ZC3H13: variants seen among roughly 807,000 people sequenced by gnomAD.
The protein encoded by ZC3H13 is zinc finger CCCH-type containing 13.
In ZC3H13, 64 loss-of-function variants were observed where a neutral mutation model predicts 204.1. The ratio of observed to expected loss-of-function variants is 0.31; its 90% CI spans 0.26 to 0.39. The LOEUF (loss-of-function observed/expected upper bound fraction) is 0.39, where lower values mean the gene tolerates loss of function less well. Among genes scored for constraint, ZC3H13 ranks in the 10% least tolerant of loss-of-function variants. ZC3H13 has a pLI of 1.00. For missense variants in ZC3H13, 1,833 were observed against 2,082.7 expected (o/e 0.88, Z 2.33); for synonymous variants, 667 against 693.7 (o/e 0.96, Z 0.60).
At chr13:46,031,102 A>G (rs545200481) in intron 4 of ZC3H13, among the ~76,000 whole-genome samples, 1 of 152,342 alleles carries the variant, frequency 6.6e-6, no homozygotes, top group South Asian at 2.1e-4. Context: ...GAAAATAATA[A>G]GAGCCCAGAA....
At chr13:46,017,377 T>C (rs973134883) in intron 5 of ZC3H13, among the ~76,000 whole-genome samples, 9 of 152,122 alleles carry the variant, frequency 5.9e-5, no homozygotes, top group African/African-American at 2.2e-4. Flanking sequence ...TCCCAGAATA[T>C]GTGATGTGGT....
chr13:45,981,994 T>G (rs952309033), intron 10 of ZC3H13, among the ~76,000 whole-genome samples: 8 of 150,960 alleles, frequency 5.3e-5, no homozygotes, highest in African/African-American at 1.7e-4. Context: ...ATTGTGCACA[T>G]GTACCCTAAA....
At chr13:46,046,927 T>C (rs1252279068) in intron 1 of ZC3H13, among the ~76,000 whole-genome samples, 1 of 152,138 alleles carries the variant, frequency 6.6e-6, no homozygotes, top group Non-Finnish European at 1.5e-5. Flanking sequence ...CACCATACTA[T>C]ATCCCGCTTT....
intron 6 of ZC3H13, among the ~76,000 whole-genome samples, chr13:46,011,048 AG>A (rs1480912825): frequency 6.6e-6 from 1 of 152,210 alleles, no homozygotes; most frequent in Admixed American, 6.5e-5. Flanking sequence ...AAATCTCCTC[AG>A]AAAAATCATA....
chr13:46,004,213 A>G (rs2138534694), intron 7 of ZC3H13, among the ~76,000 whole-genome samples: 1 of 152,210 alleles, frequency 6.6e-6, no homozygotes, highest in East Asian at 1.9e-4. Context: ...ATTTTCAAAT[A>G]TTGAACATAG....
rs147244433 is a variant in ZC3H13 at position 45,987,062 on chromosome 13, G to C, written c.1256-1301C>G. ...CAATACCAACTGTGCCTGAAAATGTGTTCACTTAGTGCCAGATCTTTTTCT... is the reference window on the plus strand; with the variant it reads ...CAATACCAACTGTGCCTGAAAATGTCTTCACTTAGTGCCAGATCTTTTTCT... On this transcript the variant is annotated intron_variant, in intron 9 of 18. Coordinates refer to ENST00000679008, the MANE Select transcript of ZC3H13 (RefSeq NM_001330564.2). 3.4e-3 allele frequency among the ~76,000 whole-genome samples: 512 copies of C among 152,248 alleles called. 1 individual carries two copies. Among genetic ancestry groups the C allele is most frequent in the Non-Finnish European group, 4.5e-3 (307 of 68,012 alleles).
rs971162271 is a variant in ZC3H13 at position 46,052,601 on chromosome 13, A to G, written c.-207T>C. ...CCGGGATGGCTGAGAAGCAGAACCA[A>G]CCCGCCCGCCGCCTCTCCAGGGTCA... On this transcript the variant is annotated 5_prime_UTR_variant, in exon 1 of 19. Coordinates refer to ENST00000679008, the MANE Select transcript of ZC3H13 (RefSeq NM_001330564.2). The G allele has an allele frequency of 1.0e-5, 4 of 398,366 alleles. No individual in the cohort carries two copies. Among genetic ancestry groups the G allele is most frequent in the African/African-American group, 8.2e-5 (4 of 48,562 alleles). 24.7% of individuals were successfully genotyped at this position (398,366 alleles called of 1,614,324 possible).
At chr13:45,992,547 GTTATT>G (rs1482675537) in intron 8 of ZC3H13, among the ~76,000 whole-genome samples, 1 of 152,100 alleles carries the variant, frequency 6.6e-6, no homozygotes, top group Non-Finnish European at 1.5e-5. Flanking sequence ...ACTTGTGGGA[GTTATT>G]TATATCCTAC....
At chr13:46,051,687 C>A (rs1052517787) in intron 1 of ZC3H13, among the ~76,000 whole-genome samples, 1 of 152,122 alleles carries the variant, frequency 6.6e-6, no homozygotes, top group Non-Finnish European at 1.5e-5. Context: ...TCTTAAGAGA[C>A]TTCATACTCC....
At chr13:46,016,237 T>C (rs1443670526) in intron 5 of ZC3H13, among the ~76,000 whole-genome samples, 1 of 152,066 alleles carries the variant, frequency 6.6e-6, no homozygotes, top group Non-Finnish European at 1.5e-5. Context: ...CAAGAGAAAT[T>C]GATATGTGTC....
intron 4 of ZC3H13, among the ~76,000 whole-genome samples, chr13:46,037,254 A>T (rs745788680): frequency 5.3e-5 from 8 of 152,218 alleles, no homozygotes; most frequent in Non-Finnish European, 1.2e-4. Flanking sequence ...TCAATAAAGA[A>T]AAATAAACTT....
intron 1 of ZC3H13, among the ~76,000 whole-genome samples, chr13:46,047,419 CA>C (rs1248478437): frequency 6.6e-6 from 1 of 152,128 alleles, no homozygotes; most frequent in East Asian, 1.9e-4. Context: ...TGCTGCAACA[CA>C]AAATCAATTA....
Position 46,052,728 on chromosome 13 carries a change from C to A in ZC3H13, c.-334G>T. ...CGCTAGGAGGACCGCCTCAAAATGC[C>A]GCCGGAAGTCAGAGGTTTGCCCTGT... is the stretch of plus-strand genomic sequence containing the variant. On this transcript the variant is annotated 5_prime_UTR_variant, in exon 1 of 19. Coordinates refer to ENST00000679008, the MANE Select transcript of ZC3H13 (RefSeq NM_001330564.2). 1 of 397,808 alleles carries A rather than the reference C, an allele frequency of 2.5e-6. No homozygotes were observed. Among genetic ancestry groups the A allele is most frequent in the African/African-American group, 2.1e-5 (1 of 48,740 alleles). 24.6% of individuals were successfully genotyped at this position (397,808 alleles called of 1,614,324 possible).
At chr13:46,035,180 A>G (rs747812634) in intron 4 of ZC3H13, among the ~76,000 whole-genome samples, 5 of 152,184 alleles carry the variant, frequency 3.3e-5, no homozygotes, top group Non-Finnish European at 7.3e-5. Context: ...GGAAGAGACC[A>G]CATAGAGACA....
intron 9 of ZC3H13, among the ~76,000 whole-genome samples, chr13:45,988,299 C>T (rs773928631): frequency 8.6e-5 from 13 of 151,954 alleles, no homozygotes; most frequent in Non-Finnish European, 1.3e-4. Flanking sequence ...GCACTGTTGC[C>T]GAGGCTGGAG....
intron 7 of ZC3H13, among the ~76,000 whole-genome samples, chr13:46,004,672 C>A (rs528685836): frequency 1.3e-5 from 2 of 152,194 alleles, no homozygotes; most frequent in South Asian, 4.1e-4. Flanking sequence ...AGGTTTTCAT[C>A]ATTATTCAAA....
chr13:46,011,656 C>G (rs1453125256), intron 5 of ZC3H13, 102 bp from the exon 6 acceptor site: 1 of 839,582 alleles, frequency 1.2e-6, no homozygotes, highest in Non-Finnish European at 1.7e-6. Flanking sequence ...ATCTAAATAG[C>G]AGAGTCTTTC....
At chr13:45,980,325 C>T (rs1420110451) in intron 10 of ZC3H13, among the ~76,000 whole-genome samples, 4 of 151,960 alleles carry the variant, frequency 2.6e-5, no homozygotes, top group South Asian at 2.1e-4. Context: ...ATTTAATTCA[C>T]AGATATATAA....
intron 10 of ZC3H13, among the ~76,000 whole-genome samples, chr13:45,982,990 A>T (rs185798105): frequency 2.6e-4 from 39 of 152,318 alleles, no homozygotes; most frequent in Non-Finnish European, 4.3e-4. Context: ...TATAAGTAGA[A>T]ATCAACAAAT....
Sources: gnomAD v4.1 joint callset for allele counts (sites outside exome capture counted in the v4.1 genomes callset) on GRCh38, gnomAD v4.1.1 for gene constraint, MANE v1.5 for transcripts, NCBI Gene and HGNC (gene_info 2026-07-23, HGNC 2026-07-21) for gene names.